The following MAGI1 variants were observed in gnomAD, a reference collection of about 807,000 sequenced individuals.
MAGI1 encodes membrane-associated guanylate kinase, WW and PDZ domain-containing protein 1.
In MAGI1, 58 loss-of-function variants were observed where a neutral mutation model predicts 139.9. That is an observed-to-expected ratio of 0.41 (90% CI 0.34 to 0.52). The LOEUF (loss-of-function observed/expected upper bound fraction) is 0.52, where lower values mean the gene tolerates loss of function less well. Ranked by LOEUF, MAGI1 falls within the 20% of genes least tolerant of loss-of-function variation. The probability of loss-of-function intolerance (pLI) is 0.12; values close to 1 mark genes in which losing one functional copy is unlikely to be tolerated. For synonymous variants in MAGI1, 812 were observed against 737.9 expected, an observed-to-expected ratio of 1.10 and a Z score of -1.63; for missense variants, 1,874 against 1,901.6, an observed-to-expected ratio of 0.99 and a Z score of 0.27.
At chr3:65,674,015 A>G (rs2087022591) in intron 1 of MAGI1, among the ~76,000 whole-genome samples, 1 of 151,722 alleles carries the variant, frequency 6.6e-6, no homozygotes, top group Non-Finnish European at 1.5e-5. Flanking sequence ...GAGGTTGGAG[A>G]CTCTCTTGGG....
chr3:65,715,038 G>T (rs1258919184), intron 1 of MAGI1, among the ~76,000 whole-genome samples: 3 of 152,034 alleles, frequency 2.0e-5, no homozygotes, highest in Non-Finnish European at 4.4e-5. Context: ...AGAGATGGTG[G>T]GGGGTGGGAT....
intron 1 of MAGI1, among the ~76,000 whole-genome samples, chr3:65,746,227 G>T (rs1446448545): frequency 6.6e-6 from 1 of 151,916 alleles, no homozygotes; most frequent in Admixed American, 6.6e-5. Context: ...GTAGAGACAG[G>T]GTTTTAATAT....
chr3:65,401,103 A>G (rs989264499), intron 13 of MAGI1, among the ~76,000 whole-genome samples: 2 of 152,154 alleles, frequency 1.3e-5, no homozygotes, highest in Admixed American at 6.5e-5. Context: ...CTTCCAAAGG[A>G]AACAATAGCA....
At chr3:65,588,140 T>C (rs1425295921) in intron 2 of MAGI1, among the ~76,000 whole-genome samples, 1 of 152,108 alleles carries the variant, frequency 6.6e-6, no homozygotes, top group Non-Finnish European at 1.5e-5. Context: ...GAAATGAAAA[T>C]TGATGCTTTC....
chr3:65,649,849 C>G (rs1038283436), intron 1 of MAGI1, among the ~76,000 whole-genome samples: 1 of 152,150 alleles, frequency 6.6e-6, no homozygotes, highest in African/African-American at 2.4e-5. Context: ...ATATTGACAA[C>G]GCCTAATGCT....
chr3:65,449,605 A>G (rs1261379216), intron 6 of MAGI1, among the ~76,000 whole-genome samples: 2 of 151,474 alleles, frequency 1.3e-5, no homozygotes, highest in Non-Finnish European at 2.9e-5. Flanking sequence ...TGAAACCCCG[A>G]CTCTATTAAA....
intron 1 of MAGI1, among the ~76,000 whole-genome samples, chr3:65,958,745 G>A (rs1036848175): frequency 6.6e-6 from 1 of 152,178 alleles, no homozygotes; most frequent in Non-Finnish European, 1.5e-5. Context: ...CCAGCACTTT[G>A]GGAGGTCAAA....
At chr3:65,536,851 G>C (rs2078980379) in intron 2 of MAGI1, among the ~76,000 whole-genome samples, 1 of 152,214 alleles carries the variant, frequency 6.6e-6, no homozygotes, top group Non-Finnish European at 1.5e-5. Context: ...ATAAGACTGA[G>C]AATGGCACCA....
In MAGI1 at chr3:65,391,126, C is replaced by A. The variant is rs746121367; in HGVS notation, c.2416+16G>T. 68 of 1,611,530 alleles carry A rather than the reference C, an allele frequency of 4.2e-5. No homozygotes were observed. Among genetic ancestry groups the A allele is most frequent in the Admixed American group, 1.8e-4 (11 of 59,966 alleles). Reference sequence around the variant, plus strand: ...CGGAGGGGTCAGGGTAAGACAGAGGCCAGGATGCTACTCACGTCGGTTTTC... The same window carrying A: ...CGGAGGGGTCAGGGTAAGACAGAGGACAGGATGCTACTCACGTCGGTTTTC... On this transcript the variant is annotated intron_variant, in intron 14 of 22. Transcript: ENST00000402939.
intron 2 of MAGI1, among the ~76,000 whole-genome samples, chr3:65,539,747 G>A (rs1272257517): frequency 6.6e-6 from 1 of 152,122 alleles, no homozygotes; most frequent in Non-Finnish European, 1.5e-5. Flanking sequence ...CCCACTTTCT[G>A]GAAACAAAAG....
chr3:65,865,219 C>T (rs1373553241), intron 1 of MAGI1, among the ~76,000 whole-genome samples: 1 of 151,880 alleles, frequency 6.6e-6, no homozygotes, highest in African/African-American at 2.4e-5. Flanking sequence ...GTATAATTTT[C>T]TCCTAGATTT....
chr3:65,709,713 A>G (rs1365428447), intron 1 of MAGI1, among the ~76,000 whole-genome samples: 3 of 152,230 alleles, frequency 2.0e-5, no homozygotes, highest in Non-Finnish European at 4.4e-5. Flanking sequence ...TGCCACCTTC[A>G]TCTGAATATG....
chr3:65,685,141 G>A (rs1343021195), intron 1 of MAGI1, among the ~76,000 whole-genome samples: 2 of 151,712 alleles, frequency 1.3e-5, no homozygotes, highest in African/African-American at 4.8e-5. Flanking sequence ...TTGTAAAACT[G>A]CCTATGAATC....
chr3:65,818,529 G>A lies in MAGI1; in HGVS notation c.314-196441C>T, dbSNP rs1198896141. On this transcript the variant is annotated intron_variant, in intron 1 of 22. Transcript: ENST00000402939. ...AAACAGTGAATCCACGTTAGCCACA[G>A]AAGATGCAGAGGGGCAGAGGGTAAG... Among the ~76,000 whole-genome samples, 3 of 152,206 alleles carry A rather than the reference G, an allele frequency of 2.0e-5. No individual in the cohort carries two copies. In the East Asian group the frequency reaches 5.8e-4, roughly 29 times the overall value.
At chr3:66,012,272 T>C (rs1332549637) in intron 1 of MAGI1, among the ~76,000 whole-genome samples, 1 of 152,156 alleles carries the variant, frequency 6.6e-6, no homozygotes, top group African/African-American at 2.4e-5. Context: ...ATTATTTTTT[T>C]AGCAGAGGGC....
intron 2 of MAGI1, among the ~76,000 whole-genome samples, chr3:65,503,030 T>C (rs528695951): frequency 3.3e-5 from 5 of 152,210 alleles, no homozygotes; most frequent in African/African-American, 1.2e-4. Flanking sequence ...GTGACTCAAA[T>C]TGTTAGTGTC....
Position 65,395,145 on chromosome 3 carries a change from G to A in MAGI1, c.2200-3787C>T, listed in dbSNP as rs1223656594. Reference sequence around the variant, plus strand: ...ATAAATACATAGGATCACCTGCTGTGTGCCAGATACTGAGGGAAACAACAT... The same window carrying A: ...ATAAATACATAGGATCACCTGCTGTATGCCAGATACTGAGGGAAACAACAT... On this transcript the variant is annotated intron_variant, in intron 13 of 22. Coordinates refer to ENST00000402939, the MANE Select transcript of MAGI1 (RefSeq NM_001033057.2). 2.6e-5 allele frequency among the ~76,000 whole-genome samples: 4 copies of A among 152,134 alleles called. No homozygotes were observed. In the East Asian group the frequency reaches 7.7e-4, roughly 29 times the overall value.
intron 1 of MAGI1, among the ~76,000 whole-genome samples, chr3:65,881,724 T>C (rs1439823261): frequency 3.9e-5 from 6 of 152,210 alleles, no homozygotes; most frequent in Non-Finnish European, 1.5e-5. Context: ...TAAGAACGTC[T>C]AGGTGTACAG....
intron 1 of MAGI1, among the ~76,000 whole-genome samples, chr3:65,841,409 T>G (rs2058799871): frequency 6.7e-6 from 1 of 150,176 alleles, no homozygotes; most frequent in Admixed American, 6.8e-5. Context: ...TTCTTTGTTT[T>G]TTTGTTTTGT....
Sources: gnomAD v4.1 joint callset for allele counts (sites outside exome capture counted in the v4.1 genomes callset) on GRCh38, gnomAD v4.1.1 for gene constraint, MANE v1.5 for transcripts, NCBI Gene and HGNC (gene_info 2026-07-23, HGNC 2026-07-21) for gene names.